IGSF10: variants seen among roughly 807,000 people sequenced by gnomAD.
IGSF10 encodes immunoglobulin superfamily member 10, also known as calvaria mechanical force protein 608.
Under a neutral mutation model 128.2 loss-of-function variants are expected in IGSF10, and 126 were observed. The ratio of observed to expected loss-of-function variants is 0.98; its 90% CI spans 0.85 to 1.14. The LOEUF (loss-of-function observed/expected upper bound fraction) is 1.14. Ranked by LOEUF, IGSF10 falls within the 50% of genes most tolerant of loss-of-function variation. The pLI, the probability that IGSF10 is intolerant of heterozygous loss-of-function variation, is 0.00. For synonymous variants in IGSF10, 1,185 were observed against 1,146.2 expected (o/e 1.03, Z -0.68); for missense variants, 3,295 against 3,149.8 (o/e 1.05, Z -1.10).
rs1161566188 is a variant in IGSF10, at chr3:151,445,330, G to A, written c.4651C>T (p.Pro1551Ser). Reference sequence around the variant, plus strand: ...TTAACTGTTGTTAGTGCTGGCATGGGAGTAGAATGTAACAGATTAGAGTAG... The same window carrying A: ...TTAACTGTTGTTAGTGCTGGCATGGAAGTAGAATGTAACAGATTAGAGTAG... Reference protein sequence around the residue: ...FIYSNLLHSTPMPALTTVKSQ... With the variant: ...FIYSNLLHSTSMPALTTVKSQ... The change falls in exon 6 of 8, where the codon CCC (proline) becomes TCC (serine). Residue 1551 changes from proline (P) to serine (S), a missense_variant. Transcript: ENST00000282466. The A allele has an allele frequency of 1.2e-6, 2 of 1,614,074 alleles. No homozygotes were observed. The highest frequency in any genetic ancestry group is 1.7e-6 in the Non-Finnish European group (2 of 1,180,020).
At chr3:151,536,880 A>G in the IGSF10 span, among the ~76,000 whole-genome samples, 1 of 152,220 alleles carries the variant, frequency 6.6e-6, no homozygotes, top group Non-Finnish European at 1.5e-5. Flanking sequence ...GTGATAAACC[A>G]GTCCTTTTAA....
the IGSF10 span, among the ~76,000 whole-genome samples, chr3:151,484,419 C>T: frequency 5.6e-4 from 85 of 152,276 alleles, no homozygotes; most frequent in Non-Finnish European, 1.0e-3. Flanking sequence ...CTGAGAGCAG[C>T]GGATCTCTCA....
Position 151,446,365 on chromosome 3 carries a change from G to T in IGSF10, c.3616C>A (p.Gln1206Lys). The stretch of plus-strand genomic sequence containing the variant: ...TTATGGTTATTTACAAAGTTCTGTT[G>T]CCAGGGAATTTTCCTTCTTGAAAAC... ...TRFSRRKIPW[Q>K]QNFVNNHNPK... The change falls in exon 6 of 8, where the codon CAA becomes AAA. Residue 1206 changes from glutamine to lysine, a missense_variant. Transcript: ENST00000282466. The T allele has an allele frequency of 1.2e-6, 2 of 1,613,120 alleles. No homozygotes were observed. Among genetic ancestry groups the T allele is most frequent in the Non-Finnish European group, 1.7e-6 (2 of 1,179,216 alleles).
the IGSF10 span, among the ~76,000 whole-genome samples, chr3:151,598,070 G>GGTGTGTGTGTGTGTGT: frequency 1.7e-4 from 23 of 137,774 alleles, no homozygotes; most frequent in African/African-American, 4.8e-4. Flanking sequence ...AATGAGTACT[G>GGTGTGTGTGTGTGTGT]GTGTGTGTGT....
the IGSF10 span, among the ~76,000 whole-genome samples, chr3:151,473,658 G>A: frequency 1.3e-5 from 2 of 152,166 alleles, no homozygotes; most frequent in African/African-American, 4.8e-5. Flanking sequence ...ACTGGATGTT[G>A]TTCAGGAGCT....
the IGSF10 span, among the ~76,000 whole-genome samples, chr3:151,514,135 T>G: frequency 6.6e-6 from 1 of 152,006 alleles, no homozygotes. Context: ...AAAGTTCATA[T>G]GGAACCAAAA....
At chr3:151,522,893 ATCTC>A in the IGSF10 span, among the ~76,000 whole-genome samples, 1 of 152,112 alleles carries the variant, frequency 6.6e-6, no homozygotes, top group African/African-American at 2.4e-5. Flanking sequence ...AAGTCAGACT[ATCTC>A]TATTTGCAGA....
At chr3:151,587,709 C>T in the IGSF10 span, among the ~76,000 whole-genome samples, 1 of 152,210 alleles carries the variant, frequency 6.6e-6, no homozygotes, top group Non-Finnish European at 1.5e-5. Context: ...ATAATTCCCA[C>T]ATGTCATGGG....
chr3:151,440,773 G>A (rs1472554294), intron 7 of IGSF10: 5 of 368,680 alleles, frequency 1.4e-5, no homozygotes, highest in Non-Finnish European at 2.7e-5. Flanking sequence ...TTGGGCATCA[G>A]GATTCTTAGA....
chr3:151,443,378 C>A lies in IGSF10; in HGVS notation c.5569G>T (p.Gly1857Cys). 6.2e-7 allele frequency: 1 copy of A among 1,614,176 alleles called. No homozygotes were observed. Among genetic ancestry groups the A allele is most frequent in the Non-Finnish European group, 8.5e-7 (1 of 1,180,030 alleles). Residue 1857 changes from glycine (G) to cysteine (C), a missense_variant, in exon 7 of 8, where the codon GGT becomes TGT. Transcript: ENST00000282466. ...GTACAGGGCAGTTTTAAACTTTCACCCCAAGTGCCTACAATGACTTGCCTC... is the reference window on the plus strand; with the variant it reads ...GTACAGGGCAGTTTTAAACTTTCACACCAAGTGCCTACAATGACTTGCCTC... The part of the protein sequence containing the change: ...QRRQVIVGTW[G>C]ESLKLPCTAK...
At chr3:151,494,934 A>G in the IGSF10 span, among the ~76,000 whole-genome samples, 3 of 152,068 alleles carry the variant, frequency 2.0e-5, no homozygotes, top group African/African-American at 7.2e-5. Flanking sequence ...GGAAAGGCTT[A>G]TTACTTTATG....
intron 7 of IGSF10, chr3:151,440,790 C>T (rs1283764879): frequency 1.7e-5 from 6 of 359,306 alleles, no homozygotes; most frequent in Middle Eastern, 9.2e-4. Context: ...TAGAATTTTC[C>T]GGATTAAAGG....
the IGSF10 span, among the ~76,000 whole-genome samples, chr3:151,580,276 G>C: frequency 6.6e-6 from 1 of 151,958 alleles, no homozygotes; most frequent in African/African-American, 2.4e-5. Context: ...GACTTTACAC[G>C]TAAGAAAAAC....
chr3:151,437,267 G>C lies in IGSF10; in HGVS notation c.7294C>G (p.Pro2432Ala). The part of the protein sequence containing the change: ...KLVILEIGQK[P>A]VILTYAPGTV... ...CCTGGTGCATAGGTAAGAATAACTGGCTTCTGGCCAATTTCTAATATGACT... is the reference window on the plus strand; with the variant it reads ...CCTGGTGCATAGGTAAGAATAACTGCCTTCTGGCCAATTTCTAATATGACT... Residue 2432 changes from proline to alanine, a missense_variant, in exon 8 of 8, where the codon CCA becomes GCA. By Grantham distance (27) the Pro-to-Ala change is conservative. Transcript: ENST00000282466. The C allele has an allele frequency of 6.2e-7, 1 of 1,614,132 alleles. No homozygotes were observed. The highest frequency in any genetic ancestry group is 8.5e-7 in the Non-Finnish European group (1 of 1,180,020).
At chr3:151,548,613 G>T in the IGSF10 span, among the ~76,000 whole-genome samples, 1 of 152,142 alleles carries the variant, frequency 6.6e-6, no homozygotes. Flanking sequence ...TCAGTGTCCT[G>T]AAAGTTTATG....
At chr3:151,572,927 G>C in the IGSF10 span, among the ~76,000 whole-genome samples, 1 of 152,044 alleles carries the variant, frequency 6.6e-6, no homozygotes, top group African/African-American at 2.4e-5. Context: ...GTGTCGTTGT[G>C]TCTTTGTTCT....
At chr3:151,487,543 G>A in the IGSF10 span, among the ~76,000 whole-genome samples, 4 of 152,082 alleles carry the variant, frequency 2.6e-5, no homozygotes, top group African/African-American at 4.8e-5. Flanking sequence ...GAAAATTTCA[G>A]GCCAATATCT....
chr3:151,534,442 A>G, the IGSF10 span, among the ~76,000 whole-genome samples: 28 of 152,290 alleles, frequency 1.8e-4, no homozygotes, highest in Middle Eastern at 3.4e-3. Context: ...AAGAAAATGT[A>G]GCACATATAC....
chr3:151,606,157 G>A, the IGSF10 span, among the ~76,000 whole-genome samples: 7 of 152,240 alleles, frequency 4.6e-5, no homozygotes, highest in South Asian at 6.2e-4. Flanking sequence ...ACGTGCAAAC[G>A]CTTTCTCTAT....
Sources: gnomAD v4.1 joint callset for allele counts (sites outside exome capture counted in the v4.1 genomes callset) on GRCh38, gnomAD v4.1.1 for gene constraint, MANE v1.5 for transcripts, NCBI Gene and HGNC (gene_info 2026-07-23, HGNC 2026-07-21) for gene names.